Variants in OSBPL9 observed in about 807,000 individuals in gnomAD.
OSBPL9 encodes the protein oxysterol-binding protein-related protein 9.
A neutral mutation model predicts 106.6 loss-of-function variants in OSBPL9; 40 were observed. The ratio of observed to expected loss-of-function variants is 0.38; its 90% CI spans 0.29 to 0.49. The LOEUF (loss-of-function observed/expected upper bound fraction) is 0.49, where lower values mean the gene tolerates loss of function less well. OSBPL9 is among the 20% of genes least tolerant of loss of function. The pLI is 0.97. For synonymous variants in OSBPL9, 269 were observed against 295.4 expected (o/e 0.91, Z 0.92); for missense variants, 609 against 887.2 (o/e 0.69, Z 3.98).
chr1:51,785,665 G>A, intron 20 of OSBPL9, 143 bp from the exon 21 acceptor site: 1 of 637,334 alleles, frequency 1.6e-6, no homozygotes, highest in East Asian at 2.9e-5. Context: ...TAGCCCTGGG[G>A]AGTCCAGTTC....
intron 4 of OSBPL9, among the ~76,000 whole-genome samples, chr1:51,720,474 C>T (rs1429877706): frequency 1.3e-5 from 2 of 151,814 alleles, no homozygotes; most frequent in African/African-American, 2.4e-5. Flanking sequence ...TACAGATGTG[C>T]ACCACGACGC....
intron 7 of OSBPL9, among the ~76,000 whole-genome samples, chr1:51,749,332 A>T (rs79438816): frequency 6.6e-6 from 1 of 152,042 alleles, no homozygotes; most frequent in East Asian, 1.9e-4. Flanking sequence ...TTTTTTTAAG[A>T]AACAGGGTCT....
At chr1:51,548,665 C>T in the OSBPL9 span, among the ~76,000 whole-genome samples, 24 of 152,194 alleles carry the variant, frequency 1.6e-4, no homozygotes, top group Admixed American at 9.8e-4. Context: ...CCTGGGATTA[C>T]AGGTGTGGGC....
intron 4 of OSBPL9, among the ~76,000 whole-genome samples, chr1:51,723,942 C>G (rs1373371145): frequency 6.6e-6 from 1 of 151,666 alleles, no homozygotes; most frequent in Admixed American, 6.6e-5. Context: ...GTATTTTTTT[C>G]TCTCTCAGTC....
chr1:51,622,019 T>TG (rs1201752020), intron 1 of OSBPL9, among the ~76,000 whole-genome samples: 5 of 144,936 alleles, frequency 3.4e-5, no homozygotes, highest in African/African-American at 7.6e-5. Context: ...GAAATGTGTG[T>TG]TTTTTTTTTT....
chr1:51,703,316 A>G (rs528288210), intron 3 of OSBPL9, among the ~76,000 whole-genome samples: 1 of 152,096 alleles, frequency 6.6e-6, no homozygotes, highest in South Asian at 2.1e-4. Context: ...CTTTTATTTC[A>G]TTGAGCAGTG....
chr1:51,729,835 C>T lies in OSBPL9; in HGVS notation c.319-15701C>T, dbSNP rs1054331930. 17 of 1,245,266 alleles carry T rather than the reference C, an allele frequency of 1.4e-5. No homozygotes were observed. The highest frequency in any genetic ancestry group is 8.3e-5 in the South Asian group (2 of 24,104). The allele number at this position is 1,245,266 out of a possible 1,614,324, so 77.1% of individuals were successfully genotyped here. ...GGGGTGAAGGGGGTGAAGGGGGTGT[C>T]CCGGGGGACGGGCTGAACCTCAGTC... is the stretch of plus-strand genomic sequence containing the variant. On this transcript the variant is annotated intron_variant, in intron 4 of 23. Coordinates refer to ENST00000428468, the MANE Select transcript of OSBPL9 (RefSeq NM_024586.6). The surrounding 1 kb of genome is among the most constrained non-coding windows in gnomAD (Gnocchi z 5.1).
chr1:51,574,091 A>G (rs1046234632), upstream of OSBPL9: 4 of 152,204 alleles, frequency 2.6e-5, no homozygotes, highest in African/African-American at 9.7e-5. Context: ...CGTAAAGACA[A>G]AATGCAGCTA....
At chr1:51,527,461 C>T in the OSBPL9 span, among the ~76,000 whole-genome samples, 10 of 152,162 alleles carry the variant, frequency 6.6e-5, no homozygotes, top group Non-Finnish European at 1.3e-4. Context: ...GTGGTGCAGT[C>T]ATAGCTCACT....
intron 4 of OSBPL9, among the ~76,000 whole-genome samples, chr1:51,727,034 G>T (rs1183598271): frequency 6.6e-6 from 1 of 152,028 alleles, no homozygotes; most frequent in South Asian, 2.1e-4. Flanking sequence ...ATTGGAGCTG[G>T]CATCTCTTAA....
chr1:51,638,889 G>A (rs557599228), intron 1 of OSBPL9, among the ~76,000 whole-genome samples: 74 of 152,132 alleles, frequency 4.9e-4, no homozygotes, highest in Non-Finnish European at 1.0e-3. Flanking sequence ...CAAGTCCAGA[G>A]GATTGCTTGA....
chr1:51,700,541 T>C (rs1657004944), intron 3 of OSBPL9, among the ~76,000 whole-genome samples: 1 of 152,210 alleles, frequency 6.6e-6, no homozygotes, highest in South Asian at 2.1e-4. Context: ...GTAGAATGTC[T>C]CTCATTTTGG....
At chr1:51,713,533 C>A (rs188723329) in intron 3 of OSBPL9, among the ~76,000 whole-genome samples, 6 of 152,248 alleles carry the variant, frequency 3.9e-5, no homozygotes, top group South Asian at 2.1e-4. Context: ...TACCAGCTTC[C>A]GCCACACACT....
chr1:51,552,643 T>TA, the OSBPL9 span, among the ~76,000 whole-genome samples: 1 of 152,144 alleles, frequency 6.6e-6, no homozygotes, highest in Non-Finnish European at 1.5e-5. Context: ...ATTTTTTTTT[T>TA]AGACGGTGGC....
intron 3 of OSBPL9, among the ~76,000 whole-genome samples, chr1:51,701,643 T>G (rs192554387): frequency 0.013 from 1,849 of 141,208 alleles, 39 homozygotes; most frequent in African/African-American, 0.052. Context: ...AAAATACTGG[T>G]TTTTTTTGTT....
intron 13 of OSBPL9, 33 bp from the exon 14 acceptor site, chr1:51,772,572 A>G: frequency 1.3e-6 from 2 of 1,511,884 alleles, no homozygotes; most frequent in Non-Finnish European, 1.8e-6. Flanking sequence ...GGCCCAATTT[A>G]GCACCATTCT....
chr1:51,771,428 G>A (rs899240959), intron 12 of OSBPL9, among the ~76,000 whole-genome samples: 11 of 152,040 alleles, frequency 7.2e-5, no homozygotes, highest in African/African-American at 9.7e-5. Context: ...CCAGGAGTTC[G>A]AGTCCATCCT....
At chr1:51,687,950 A>G (rs927065840) in intron 3 of OSBPL9, among the ~76,000 whole-genome samples, 1 of 152,198 alleles carries the variant, frequency 6.6e-6, no homozygotes, top group African/African-American at 2.4e-5. Flanking sequence ...CTGGTGAGAG[A>G]TGGTGAAGGT....
the OSBPL9 span, among the ~76,000 whole-genome samples, chr1:51,547,795 G>C: frequency 6.6e-6 from 1 of 151,984 alleles, no homozygotes; most frequent in Non-Finnish European, 1.5e-5. Flanking sequence ...AAGCTGCAGG[G>C]AGCCAAGATT....
Sources: allele counts gnomAD v4.1 joint callset (sites outside exome capture counted in the v4.1 genomes callset), GRCh38; gene constraint gnomAD v4.1.1; non-coding constraint Gnocchi (gnomAD v3.1); transcripts MANE v1.5; gene names NCBI Gene and HGNC (gene_info 2026-07-23, HGNC 2026-07-21).